STAT6: variants seen among roughly 807,000 people sequenced by gnomAD.
STAT6 encodes STAT, interleukin4-induced.
In STAT6, 45 loss-of-function variants were observed where a neutral mutation model predicts 106.3. The observed-to-expected ratio is 0.42, with a 90% confidence interval of 0.33 to 0.54. The LOEUF is 0.54. Ranked by LOEUF, STAT6 falls within the 20% of genes least tolerant of loss-of-function variation. STAT6 has a pLI of 0.06. For synonymous variants in STAT6, 413 were observed against 413.6 expected, an observed-to-expected ratio of 1.00 and a Z score of 0.02; for missense variants, 797 against 1,062.2, an observed-to-expected ratio of 0.75 and a Z score of 3.47.
At chr12:57,104,840 G>A (rs1027421949) in intron 9 of STAT6, 27 bp from the exon 10 acceptor site, 26 of 1,612,920 alleles carry the variant, frequency 1.6e-5, no homozygotes, top group Admixed American at 6.7e-5. Context: ...GAGTGTGAAC[G>A]AGCTCATCTC....
chr12:57,102,783 G>T, intron 12 of STAT6, 46 bp downstream of exon 12: 1 of 1,524,372 alleles, frequency 6.6e-7, no homozygotes, highest in Non-Finnish European at 9.1e-7. Context: ...GCCCATGTTA[G>T]AACCCACCCT....
chr12:57,098,638 C>T (rs1592546313), intron 18 of STAT6, 41 bp from the exon 19 acceptor site: 2 of 1,599,684 alleles, frequency 1.3e-6, no homozygotes, highest in Non-Finnish European at 8.6e-7. Flanking sequence ...AGCCCTTCTC[C>T]TGGACACCAC....
Position 57,099,571 on chromosome 12 carries a change from G to A in STAT6, c.1745-131C>T. ...GACCTAGGGTGGGGCTCCTGAGGGA[G>A]AGAGACCCACTAGTCTCCGTTCCCA... is the stretch of plus-strand genomic sequence containing the variant. On this transcript the variant is annotated intron_variant, in intron 15 of 21. Transcript: ENST00000300134. This position sits in a 1 kb window ranked among gnomAD's most constrained non-coding sequence, Gnocchi z 4.7. 8 of 1,399,724 alleles carry A rather than the reference G, an allele frequency of 5.7e-6. 1 individual carries two copies. The South Asian group carries it at 7.8e-5, about 14-fold the overall frequency. 86.7% of individuals were successfully genotyped at this position (1,399,724 alleles called of 1,614,324 possible). A position where few individuals can be genotyped will look rare whatever the true frequency, so the allele number is the denominator to read the frequency against.
chr12:57,097,591 C>T (rs1225837859), intron 19 of STAT6, among the ~76,000 whole-genome samples: 7 of 152,178 alleles, frequency 4.6e-5, no homozygotes, highest in South Asian at 2.1e-4. Flanking sequence ...ACCACATTAA[C>T]GACATTTCTG....
At chr12:57,110,750 G>T (rs1382979434) in intron 1 of STAT6, among the ~76,000 whole-genome samples, 2 of 152,166 alleles carry the variant, frequency 1.3e-5, no homozygotes, top group African/African-American at 4.8e-5. Context: ...CTTTAGTGGA[G>T]GGCAGGATAG....
intron 13 of STAT6, among the ~76,000 whole-genome samples, chr12:57,100,654 AAG>A (rs1324556310): frequency 1.3e-4 from 9 of 69,354 alleles, no homozygotes; most frequent in African/African-American, 2.7e-4. Flanking sequence ...GAAAGAAAGA[AAG>A]AAAGAAAGAA....
Position 57,099,432 on chromosome 12 carries a change from G to C in STAT6, c.1753C>G (p.Gln585Glu). ...HVIRGQDGSP[Q>E]IENIQPFSAK... is the part of the protein sequence containing the mutation. ...GAGAATGGCTGGATGTTCTCTATCT[G>C]TGGAGAGCCTATGGTAGGAAGGAGA... The change falls in exon 16 of 22, where the codon CAG becomes GAG. Residue 585 changes from glutamine to glutamate, a missense_variant. By Grantham distance (29) the Gln-to-Glu change is conservative. Transcript: ENST00000300134. The surrounding 1 kb of genome is among the most constrained non-coding windows in gnomAD (Gnocchi z 4.7). 2 of 1,614,188 alleles carry C rather than the reference G, an allele frequency of 1.2e-6. No homozygotes were observed. The highest frequency in any genetic ancestry group is 1.7e-6 in the Non-Finnish European group (2 of 1,180,042).
At chr12:57,109,503 T>G (rs1457464413) in intron 1 of STAT6, among the ~76,000 whole-genome samples, 1 of 152,124 alleles carries the variant, frequency 6.6e-6, no homozygotes, top group African/African-American at 2.4e-5. Flanking sequence ...CACTGTGTTG[T>G]TAGGATCCCT....
At position 57,100,098 on chromosome 12, in the gene STAT6, G is replaced by A. The variant is rs2033723944; in HGVS notation, c.1513-8C>T. The stretch of plus-strand genomic sequence containing the variant: ...ACGGCCCAGCAGGATCTCCTAGGGG[G>A]AGAGGGGGAAAGGTGTGAGCCGAGG... On this transcript the variant is annotated splice_polypyrimidine_tract_variant and splice_region_variant and intron_variant, in intron 13 of 21. Coordinates refer to ENST00000300134, the MANE Select transcript of STAT6 (RefSeq NM_003153.5). The A allele has an allele frequency of 3.1e-6, 5 of 1,587,386 alleles. No homozygotes were observed. In the African/African-American group the frequency reaches 4.0e-5, roughly 13 times the overall value.
chr12:57,106,063 G>A, intron 7 of STAT6, 128 bp downstream of exon 7: 1 of 1,478,610 alleles, frequency 6.8e-7, no homozygotes, highest in Non-Finnish European at 9.1e-7. Context: ...GCTGGAACTG[G>A]CTTTTATGCA....
intron 6 of STAT6, 25 bp downstream of exon 6, chr12:57,106,503 C>G: frequency 6.2e-7 from 1 of 1,613,564 alleles, no homozygotes; most frequent in Non-Finnish European, 8.5e-7. Context: ...TGACCAAGGT[C>G]TCCACCTGTC....
chr12:57,098,184 A>C (rs1165291066), intron 19 of STAT6, among the ~76,000 whole-genome samples: 4 of 152,228 alleles, frequency 2.6e-5, no homozygotes, highest in Non-Finnish European at 4.4e-5. Flanking sequence ...CACTATGCTC[A>C]GCTTTTTAAG....
chr12:57,106,714 T>C lies in STAT6; in HGVS notation c.457A>G (p.Lys153Glu), dbSNP rs2034302609. 1.2e-6 allele frequency: 2 copies of C among 1,614,058 alleles called. No homozygotes were observed. Among genetic ancestry groups the C allele is most frequent in the Non-Finnish European group, 1.7e-6 (2 of 1,179,994 alleles). The change falls in exon 5 of 22, where the codon AAG becomes GAG. Residue 153 changes from lysine (K) to glutamate (E), a missense_variant. Lys to Glu is a moderately conservative substitution (Grantham distance 56). This residue lies in a region of STAT6 where 336 missense variants were observed against 429.8 expected (regional missense o/e 0.78). Coordinates refer to ENST00000300134, the MANE Select transcript of STAT6 (RefSeq NM_003153.5). ...CCACCTTGGCCAGCCTCAGCCCCCT[T>C]CTGCAGGGCTTCTCGGAGAAGGTGG... Reference protein sequence around the residue: ...EIHLLREALQKGAEAGQVSLH... With the variant: ...EIHLLREALQEGAEAGQVSLH...
Position 57,096,460 on chromosome 12 carries a change from A to G in STAT6, c.*112T>C. 4 of 1,043,226 alleles carry G rather than the reference A, an allele frequency of 3.8e-6. No homozygotes were observed. Among genetic ancestry groups the G allele is most frequent in the Non-Finnish European group, 5.6e-6 (4 of 715,700 alleles). The allele number at this position is 1,043,226 out of a possible 1,614,324, so 64.6% of individuals were successfully genotyped here. A position where few individuals can be genotyped will look rare whatever the true frequency, so the allele number is the denominator to read the frequency against. On this transcript the variant is annotated 3_prime_UTR_variant, in exon 22 of 22. Transcript: ENST00000300134. ...CCTCCTGACCCAGGAGTAGGTGGGGATAGGAGGGCACCCTCCCCATCTGCT... is the reference window on the plus strand; with the variant it reads ...CCTCCTGACCCAGGAGTAGGTGGGGGTAGGAGGGCACCCTCCCCATCTGCT...
At chr12:57,101,028 C>A in intron 13 of STAT6, 1 of 235,956 alleles carries the variant, frequency 4.2e-6, no homozygotes. Context: ...GCTGGTATTA[C>A]TGCACATGTC....
chr12:57,105,347 TGAG>T lies in STAT6; in HGVS notation c.813-11_813-9del. On this transcript the variant is annotated splice_polypyrimidine_tract_variant and intron_variant, in intron 8 of 21. Transcript: ENST00000300134. ...TTCTCCACCAGGAAGCAACTGGGAG[TGAG>T]GAGGACACAAGGGGAGTTGGGGGCT... The T allele has an allele frequency of 6.2e-7, 1 of 1,613,392 alleles. No individual in the cohort carries two copies. Among genetic ancestry groups the T allele is most frequent in the Non-Finnish European group, 8.5e-7 (1 of 1,179,602 alleles).
At chr12:57,105,061 C>G in intron 9 of STAT6, 90 bp downstream of exon 9, 1 of 1,465,210 alleles carries the variant, frequency 6.8e-7, no homozygotes, top group Non-Finnish European at 9.2e-7. Context: ...CCCTCCCTCC[C>G]CATCCCTTGC....
chr12:57,098,571 T>A lies in STAT6; in HGVS notation c.2093A>T (p.His698Leu), dbSNP rs201585470. 125 of 1,613,766 alleles carry A rather than the reference T, an allele frequency of 7.7e-5. No individual in the cohort carries two copies. The highest frequency in any genetic ancestry group is 1.8e-4 in the Admixed American group (11 of 59,958). Residue 698 changes from histidine (H) to leucine (L), a missense_variant, in exon 19 of 22, where the codon CAC becomes CTC. Transcript: ENST00000300134. ...MVPQVYPPHS[H>L]SIPPYQGLSP... ...GAGGCCTTGATACGGGGGGATGGAG[T>A]GAGAGTGTGGTGGGTACACCTGGGG...
In STAT6 at chr12:57,099,109, G is replaced by A. The variant is rs1321438516; in HGVS notation, c.1892-31C>T. 1 of 1,613,516 alleles carries A rather than the reference G, an allele frequency of 6.2e-7. No homozygotes were observed. Among genetic ancestry groups the A allele is most frequent in the East Asian group, 2.2e-5 (1 of 44,900 alleles). ...GTGAGAAGGAAAAGACAGCCATGGA[G>A]TGCTCTGGGGTTAGGGAGGAAGGGA... On this transcript the variant is annotated intron_variant, in intron 16 of 21. Transcript: ENST00000300134. The surrounding 1 kb of genome is among the most constrained non-coding windows in gnomAD (Gnocchi z 4.7).
Sources: allele counts gnomAD v4.1 joint callset (sites outside exome capture counted in the v4.1 genomes callset), GRCh38; gene constraint gnomAD v4.1.1; regional missense constraint gnomAD v4.1.1; non-coding constraint Gnocchi (gnomAD v3.1); transcripts MANE v1.5; gene names NCBI Gene and HGNC (gene_info 2026-07-23, HGNC 2026-07-21).